The following ANKDD1A variants were observed in gnomAD, a reference collection of about 807,000 sequenced individuals.
ANKDD1A encodes ankyrin repeat and death domain-containing protein 1A.
In ANKDD1A, 59 loss-of-function variants were observed where a neutral mutation model predicts 63.5. That is an observed-to-expected ratio of 0.93 (90% CI 0.75 to 1.15). ANKDD1A has a LOEUF of 1.15. Among genes scored for constraint, ANKDD1A ranks in the 50% most tolerant of loss-of-function variants. The probability of loss-of-function intolerance (pLI) is 0.00; values close to 1 mark genes in which losing one functional copy is unlikely to be tolerated. For synonymous variants in ANKDD1A, 266 were observed against 263.9 expected (o/e 1.01, Z -0.08); for missense variants, 632 against 656.4 (o/e 0.96, Z 0.41).
intron 9 of ANKDD1A, among the ~76,000 whole-genome samples, chr15:64,937,543 A>G (rs1049944065): frequency 2.6e-5 from 4 of 152,118 alleles, no homozygotes; most frequent in African/African-American, 9.7e-5. Flanking sequence ...CCTGGCCAAC[A>G]TAGTGAAACC....
At chr15:64,912,521 T>C (rs1467916802) in intron 1 of ANKDD1A, among the ~76,000 whole-genome samples, 1 of 152,186 alleles carries the variant, frequency 6.6e-6, no homozygotes, top group Non-Finnish European at 1.5e-5. Context: ...ACAGGTGGAA[T>C]GAGGGCACCT....
At chr15:64,956,275 C>T (rs556898070) in intron 14 of ANKDD1A, among the ~76,000 whole-genome samples, 34 of 143,640 alleles carry the variant, frequency 2.4e-4, no homozygotes, top group African/African-American at 6.5e-4. Flanking sequence ...CTTGGCCGGG[C>T]GCAGTGGCTC....
At chr15:64,930,027 A>T (rs1182116662) in intron 6 of ANKDD1A, among the ~76,000 whole-genome samples, 2 of 152,184 alleles carry the variant, frequency 1.3e-5, no homozygotes, top group African/African-American at 4.8e-5. Context: ...TCTCCCTCAT[A>T]AGTGGGAGCT....
intron 14 of ANKDD1A, among the ~76,000 whole-genome samples, chr15:64,956,622 C>G (rs1180031173): frequency 1.3e-5 from 2 of 152,212 alleles, no homozygotes; most frequent in African/African-American, 2.4e-5. Context: ...GTGGTGTGAT[C>G]TTGGCTCACT....
chr15:64,956,752 C>T (rs1284588951), intron 14 of ANKDD1A, among the ~76,000 whole-genome samples: 2 of 152,052 alleles, frequency 1.3e-5, no homozygotes, highest in Non-Finnish European at 1.5e-5. Context: ...CAGGTTTCAC[C>T]ATGTTGGTGA....
intron 14 of ANKDD1A, among the ~76,000 whole-genome samples, chr15:64,951,642 A>G (rs529257902): frequency 5.5e-4 from 34 of 61,642 alleles, no homozygotes; most frequent in African/African-American, 1.8e-3. Context: ...TTCTTCTTCT[A>G]TCTTCTTTCC....
In ANKDD1A at chr15:64,957,339, CTG is replaced by C. The variant is rs1246986589; in HGVS notation, c.*155_*156del. On this transcript the variant is annotated 3_prime_UTR_variant, in exon 15 of 15. Coordinates refer to ENST00000319580, the MANE Select transcript of ANKDD1A (RefSeq NM_182703.6). ...TTAAATAATAAGAGTAGAATACTTTCTGTGTTTTTATCTTATACACATGAATA... is the reference window on the plus strand; with the variant it reads ...TTAAATAATAAGAGTAGAATACTTTCTGTTTTTATCTTATACACATGAATA... The C allele has an allele frequency of 8.1e-6, 2 of 247,062 alleles. No individual in the cohort carries two copies. Among genetic ancestry groups the C allele is most frequent in the Admixed American group, 5.4e-5 (1 of 18,536 alleles). The allele number at this position is 247,062 out of a possible 1,614,324, so 15.3% of individuals were successfully genotyped here.
chr15:64,944,617 A>G, intron 11 of ANKDD1A, 35 bp from the exon 12 acceptor site: 1 of 1,601,286 alleles, frequency 6.2e-7, no homozygotes, highest in Non-Finnish European at 8.5e-7. Context: ...CCTCCTGTAG[A>G]AACTCTGGCT....
intron 14 of ANKDD1A, among the ~76,000 whole-genome samples, chr15:64,952,014 TTCTA>T (rs1221087594): frequency 4.0e-5 from 6 of 150,478 alleles, no homozygotes; most frequent in African/African-American, 9.7e-5. Context: ...TTCTTCCATC[TTCTA>T]TCTTCTTTTT....
In ANKDD1A at chr15:64,949,955, G is replaced by A. The variant is rs1357923188; in HGVS notation, c.1466G>A (p.Gly489Asp). The A allele has an allele frequency of 6.2e-7, 1 of 1,610,040 alleles. No individual in the cohort carries two copies. The highest frequency in any genetic ancestry group is 8.5e-7 in the Non-Finnish European group (1 of 1,179,944). Residue 489 changes from glycine (G) to aspartate (D), a missense_variant, in exon 14 of 15, where the codon GGC (glycine) becomes GAC (aspartate). Gly to Asp is a moderately conservative substitution (Grantham distance 94). Coordinates refer to ENST00000319580, the MANE Select transcript of ANKDD1A (RefSeq NM_182703.6). ...CTGTTCGAGGGCCTCGTGGCCATTG[G>A]CAGGAGGGACCTGGCTGGTAAGAGC... ...KALFEGLVAI[G>D]RRDLAGWSTM...
chr15:64,930,403 G>C (rs1595850205), intron 6 of ANKDD1A, among the ~76,000 whole-genome samples: 1 of 152,216 alleles, frequency 6.6e-6, no homozygotes, highest in Admixed American at 6.5e-5. Flanking sequence ...TGTAGTTTCA[G>C]TGTGGCCCGG....
intron 4 of ANKDD1A, among the ~76,000 whole-genome samples, chr15:64,925,412 A>C (rs780190475): frequency 6.6e-6 from 1 of 152,046 alleles, no homozygotes; most frequent in Non-Finnish European, 1.5e-5. Flanking sequence ...GGGCATAAAC[A>C]TAGTATTTGC....
At chr15:64,954,646 CTTCTTCTCCTTCTTTCTTCTTGTCT>C (rs2085393098) in intron 14 of ANKDD1A, among the ~76,000 whole-genome samples, 3 of 125,504 alleles carry the variant, frequency 2.4e-5, no homozygotes, top group African/African-American at 2.8e-5. Context: ...CTTCTTCCTT[CTTCTTCTCCTTCTTTCTTCTTGTCT>C]CTTCTTCTTC....
At chr15:64,914,441 C>T (rs2084954994) in intron 1 of ANKDD1A, among the ~76,000 whole-genome samples, 1 of 152,250 alleles carries the variant, frequency 6.6e-6, no homozygotes, top group South Asian at 2.1e-4. Flanking sequence ...GCATGTGCCA[C>T]CACACCTGGC....
chr15:64,943,600 C>A lies in ANKDD1A; in HGVS notation c.1065+18C>A. The A allele has an allele frequency of 6.2e-7, 1 of 1,611,600 alleles. No individual in the cohort carries two copies. The highest frequency in any genetic ancestry group is 2.2e-5 in the East Asian group (1 of 44,862). On this transcript the variant is annotated intron_variant, in intron 11 of 14. Transcript: ENST00000319580. ...GAGATAAGGTACCTCTGCTTACAAC[C>A]CACCTCGCTTCAGGCTTTCATGGCT...
At position 64,942,502 on chromosome 15, in the gene ANKDD1A, C is replaced by T; in HGVS notation, c.903C>T (p.His301=). 2 of 1,613,866 alleles carry T rather than the reference C, an allele frequency of 1.2e-6. No individual in the cohort carries two copies. The highest frequency in any genetic ancestry group is 1.1e-5 in the South Asian group (1 of 91,026). Residue 301 remains histidine, a synonymous_variant, in exon 10 of 15, where the codon CAC becomes CAT. Transcript: ENST00000319580. ...CTCCTCTGCACCTCGCTGTGAGGCACAACTTCCCTGCCTTGGTCCGGCTCC... is the reference window on the plus strand; with the variant it reads ...CTCCTCTGCACCTCGCTGTGAGGCATAACTTCCCTGCCTTGGTCCGGCTCC... ...GASPLHLAVR[H]NFPALVRLLI... is the part of the protein sequence containing the mutation.
In ANKDD1A at chr15:64,956,408, G is replaced by C. The variant is rs537065393; in HGVS notation, c.1484-695G>C. On this transcript the variant is annotated intron_variant, in intron 14 of 14. Transcript: ENST00000319580. ...ACTAAAAATACAAAAAATTAGCCAG[G>C]CATGGTGGCGGGCACCTGTAGTCAG... 3.3e-5 allele frequency among the ~76,000 whole-genome samples: 5 copies of C among 152,174 alleles called. No individual in the cohort carries two copies. The East Asian group carries it at 9.7e-4, about 30-fold the overall frequency.
At chr15:64,921,633 C>T (rs2085007213) in intron 3 of ANKDD1A, among the ~76,000 whole-genome samples, 1 of 152,128 alleles carries the variant, frequency 6.6e-6, no homozygotes, top group African/African-American at 2.4e-5. Flanking sequence ...CCTCAGCCTC[C>T]CAAAGTGCTG....
intron 6 of ANKDD1A, 30 bp from the exon 7 acceptor site, chr15:64,930,792 C>G: frequency 6.3e-7 from 1 of 1,598,120 alleles, no homozygotes; most frequent in East Asian, 2.2e-5. Context: ...CTCTGGTCTG[C>G]TGGCCTCTCA....
Sources: gnomAD v4.1 joint callset for allele counts (sites outside exome capture counted in the v4.1 genomes callset) on GRCh38, gnomAD v4.1.1 for gene constraint, MANE v1.5 for transcripts, NCBI Gene and HGNC (gene_info 2026-07-23, HGNC 2026-07-21) for gene names.